Variants in KIAA0319L observed in about 807,000 individuals in gnomAD.
KIAA0319L encodes the protein dyslexia-associated protein KIAA0319-like protein.
A neutral mutation model predicts 120.1 loss-of-function variants in KIAA0319L; 55 were observed. The observed-to-expected ratio is 0.46, with a 90% CI of 0.37 to 0.57. KIAA0319L has a LOEUF of 0.57. Ranked by LOEUF, KIAA0319L falls within the 20% of genes least tolerant of loss-of-function variation. KIAA0319L has a pLI of 0.00. For missense variants in KIAA0319L, 1,049 were observed against 1,255.3 expected, an observed-to-expected ratio of 0.84 and a Z score of 2.48; for synonymous variants, 398 against 471.9, an observed-to-expected ratio of 0.84 and a Z score of 2.03.
chr1:35,460,333 T>C lies in KIAA0319L; in HGVS notation c.1399A>G (p.Lys467Glu). The C allele has an allele frequency of 1.9e-6, 3 of 1,613,338 alleles. No individual in the cohort carries two copies. Among genetic ancestry groups the C allele is most frequent in the Non-Finnish European group, 2.5e-6 (3 of 1,179,672 alleles). ...AAAGTGTAGTTCCCAGGGACGAGTT[T>C]ACTTAGTTTTAATATGGCTGTATCT... ...SEDTAILKLS[K>E]LVPGNYTFSL... Residue 467 changes from lysine (K) to glutamate (E), a missense_variant, in exon 9 of 21, where the codon AAA (lysine) becomes GAA (glutamate). By Grantham distance (56) the Lys-to-Glu change is moderately conservative. Coordinates refer to ENST00000325722, the MANE Select transcript of KIAA0319L (RefSeq NM_024874.5).
At chr1:35,479,947 CAAA>C (rs71062878) in intron 3 of KIAA0319L, among the ~76,000 whole-genome samples, 19 of 32,288 alleles carry the variant, frequency 5.9e-4, no homozygotes, top group Non-Finnish European at 9.2e-4. Flanking sequence ...TATGATGAGC[CAAA>C]AAAAAAAAAA....
chr1:35,546,997 T>C (rs917813184), intron 2 of KIAA0319L, among the ~76,000 whole-genome samples: 3 of 147,676 alleles, frequency 2.0e-5, no homozygotes, highest in African/African-American at 7.4e-5. Flanking sequence ...ATTTTATATA[T>C]AAATTTATAT....
chr1:35,467,135 T>G (rs1288169356), intron 6 of KIAA0319L, among the ~76,000 whole-genome samples: 1 of 152,020 alleles, frequency 6.6e-6, no homozygotes, highest in Non-Finnish European at 1.5e-5. Context: ...AATGTGAATC[T>G]TATGAGTAGC....
chr1:35,538,348 T>A (rs151224433), intron 2 of KIAA0319L, among the ~76,000 whole-genome samples: 1 of 152,178 alleles, frequency 6.6e-6, no homozygotes, highest in East Asian at 1.9e-4. Context: ...TCCAGCACTT[T>A]GGGAGGCCGA....
rs767211862 is a variant in KIAA0319L, at chr1:35,468,470, T to A, written c.1114-1775A>T. On this transcript the variant is annotated intron_variant, in intron 6 of 20. Transcript: ENST00000325722. Reference sequence around the variant, plus strand: ...TCCAGCCCAGACTTGTCTTTTGACCTCCAGTCCCTTTCCCCCAGCTACTAA... The same window carrying A: ...TCCAGCCCAGACTTGTCTTTTGACCACCAGTCCCTTTCCCCCAGCTACTAA... Among the ~76,000 whole-genome samples the A allele has an allele frequency of 1.3e-5, 2 of 152,190 alleles. 1 individual carries two copies. Among genetic ancestry groups the A allele is most frequent in the South Asian group, 4.1e-4 (2 of 4,834 alleles).
At chr1:35,462,520 C>G (rs1483187129) in intron 8 of KIAA0319L, 101 bp downstream of exon 8, 3 of 957,052 alleles carry the variant, frequency 3.1e-6, no homozygotes, top group Non-Finnish European at 4.9e-6. Flanking sequence ...CTGGCCTAAA[C>G]AGAACGCAGA....
In KIAA0319L at chr1:35,554,399, C is replaced by G; in HGVS notation, c.93G>C (p.Leu31=). ...AGCAAAAGCAAGTATAAAACAGGTA[C>G]AGGCTTCTCAACCACTTCGCAGATG... ...WQTSAKWLRS[L]YLFYTCFCFS... The change falls in exon 2 of 21, where the codon CTG becomes CTC. Residue 31 remains leucine, a synonymous_variant. Coordinates refer to ENST00000325722, the MANE Select transcript of KIAA0319L (RefSeq NM_024874.5). 6.2e-7 allele frequency: 1 copy of G among 1,613,150 alleles called. No individual in the cohort carries two copies. Among genetic ancestry groups the G allele is most frequent in the Non-Finnish European group, 8.5e-7 (1 of 1,179,734 alleles).
At chr1:35,480,717 G>A (rs1042868241) in intron 3 of KIAA0319L, among the ~76,000 whole-genome samples, 14 of 152,050 alleles carry the variant, frequency 9.2e-5, no homozygotes, top group Non-Finnish European at 8.8e-5. Flanking sequence ...GAGAGGAGGC[G>A]GAGGCTGCAG....
Position 35,466,661 on chromosome 1 carries a change from A to G in KIAA0319L, c.1148T>C (p.Val383Ala). 2 of 1,613,726 alleles carry G rather than the reference A, an allele frequency of 1.2e-6. No homozygotes were observed. Among genetic ancestry groups the G allele is most frequent in the East Asian group, 2.2e-5 (1 of 44,874 alleles). ...TTCCCCATGGGCATTTTGACCCTCTACAATCACTTTGAATTCATACAGGCC... is the reference window on the plus strand; with the variant it reads ...TTCCCCATGGGCATTTTGACCCTCTGCAATCACTTTGAATTCATACAGGCC... Reference protein sequence around the residue: ...TPGLYEFKVIVEGQNAHGEGY... With the variant: ...TPGLYEFKVIAEGQNAHGEGY... Residue 383 changes from valine (V) to alanine (A), a missense_variant, in exon 7 of 21, where the codon GTA becomes GCA. Coordinates refer to ENST00000325722, the MANE Select transcript of KIAA0319L (RefSeq NM_024874.5).
intron 2 of KIAA0319L, among the ~76,000 whole-genome samples, chr1:35,548,306 C>T (rs761170177): frequency 7.9e-5 from 12 of 152,016 alleles, no homozygotes; most frequent in Admixed American, 4.6e-4. Context: ...TAACCTCTAA[C>T]CCTGACCTCC....
At chr1:35,438,079 G>A (rs1640927520) in intron 20 of KIAA0319L, among the ~76,000 whole-genome samples, 1 of 152,114 alleles carries the variant, frequency 6.6e-6, no homozygotes, top group South Asian at 2.1e-4. Flanking sequence ...ATTATATGTT[G>A]TCACCAGACT....
intron 3 of KIAA0319L, among the ~76,000 whole-genome samples, chr1:35,502,543 G>A (rs1397430953): frequency 6.6e-6 from 1 of 151,272 alleles, no homozygotes; most frequent in African/African-American, 2.4e-5. Flanking sequence ...GGTTCTTTGA[G>A]CTCCTTGCCT....
At chr1:35,542,024 T>C (rs868117543) in intron 2 of KIAA0319L, among the ~76,000 whole-genome samples, 1 of 152,224 alleles carries the variant, frequency 6.6e-6, no homozygotes, top group Non-Finnish European at 1.5e-5. Flanking sequence ...AAGGCCCAGC[T>C]GCCTACCTCA....
At chr1:35,458,800 A>G (rs1034053310) in intron 9 of KIAA0319L, among the ~76,000 whole-genome samples, 1 of 152,238 alleles carries the variant, frequency 6.6e-6, no homozygotes, top group African/African-American at 2.4e-5. Flanking sequence ...ACCTGGCCCA[A>G]GCTGAATTCT....
At chr1:35,457,861 T>C (rs946957238) in intron 9 of KIAA0319L, among the ~76,000 whole-genome samples, 10 of 152,234 alleles carry the variant, frequency 6.6e-5, no homozygotes. Flanking sequence ...TCAGCAGATA[T>C]CTGAAAAACA....
chr1:35,546,094 G>C (rs950559070), intron 2 of KIAA0319L, among the ~76,000 whole-genome samples: 1 of 152,158 alleles, frequency 6.6e-6, no homozygotes, highest in Non-Finnish European at 1.5e-5. Flanking sequence ...CTGGAGCTCA[G>C]GAATAGCTAT....
intron 9 of KIAA0319L, among the ~76,000 whole-genome samples, chr1:35,459,810 T>C (rs1274417685): frequency 6.6e-6 from 1 of 152,172 alleles, no homozygotes; most frequent in African/African-American, 2.4e-5. Context: ...GTAATCACTC[T>C]AGAATATCAA....
rs1558484218 is a variant in KIAA0319L, at chr1:35,496,946, C to CAAAAAAAAAAAA, written c.666+9665_666+9666insTTTTTTTTTTTT. On this transcript the variant is annotated intron_variant, in intron 3 of 20. Transcript: ENST00000325722. Reference sequence around the variant, plus strand: ...TGAGCAACAGAGTGAGATTGTGTCTCCAAAAAAAAAAAAAAAAAAAAAAAG... The same window carrying CAAAAAAAAAAAA: ...TGAGCAACAGAGTGAGATTGTGTCTCAAAAAAAAAAAACAAAAAAAAAAAAAAAAAAAAAAAG... Among the ~76,000 whole-genome samples the CAAAAAAAAAAAA allele has an allele frequency of 3.1e-5, 2 of 64,394 alleles. 1 individual carries two copies. The highest frequency in any genetic ancestry group is 4.7e-4 in the Admixed American group (2 of 4,248). 42.2% of individuals were successfully genotyped at this position (64,394 alleles called of 152,430 possible).
At chr1:35,513,511 G>C (rs1215465651) in intron 2 of KIAA0319L, among the ~76,000 whole-genome samples, 1 of 151,760 alleles carries the variant, frequency 6.6e-6, no homozygotes, top group Non-Finnish European at 1.5e-5. Flanking sequence ...CAGCTACTCA[G>C]GAGGCTGACG....
Sources: gnomAD v4.1 joint callset for allele counts (sites outside exome capture counted in the v4.1 genomes callset) on GRCh38, gnomAD v4.1.1 for gene constraint, MANE v1.5 for transcripts, NCBI Gene and HGNC (gene_info 2026-07-23, HGNC 2026-07-21) for gene names.